Variants in DENND6A observed in about 807,000 individuals in gnomAD.
DENND6A encodes DENN domain containing 6A.
A neutral mutation model predicts 95.5 loss-of-function variants in DENND6A; 43 were observed. The observed-to-expected ratio is 0.45, with a 90% CI of 0.35 to 0.58. The LOEUF is 0.58. DENND6A is among the 20% of genes least tolerant of loss of function. The pLI is 0.00. For missense variants in DENND6A, 574 were observed against 736.0 expected, an observed-to-expected ratio of 0.78 and a Z score of 2.55; for synonymous variants, 257 against 260.4, an observed-to-expected ratio of 0.99 and a Z score of 0.13.
chr3:57,692,831 T>G lies in DENND6A; in HGVS notation c.188A>C (p.His63Pro). Residue 63 changes from histidine (H) to proline (P), a missense_variant, in exon 1 of 20, where the codon CAC becomes CCC. His to Pro is a moderately conservative substitution (Grantham distance 77). Around this residue, in one of 2 missense-constraint regions of DENND6A, gnomAD observed 122 missense variants for 105.1 expected, o/e 1.16. Coordinates refer to ENST00000311128, the MANE Select transcript of DENND6A (RefSeq NM_152678.3). The stretch of plus-strand genomic sequence containing the variant: ...GTCGAAGCCCACCACACACACGCAG[T>G]GCAGCCAGGCGGAGAAGCTGTCCCA... ...LRWDSFSAWL[H>P]CVCVVGFDLE... 1 of 1,582,472 alleles carries G rather than the reference T, an allele frequency of 6.3e-7. No homozygotes were observed. The highest frequency in any genetic ancestry group is 8.6e-7 in the Non-Finnish European group (1 of 1,167,978).
intron 9 of DENND6A, among the ~76,000 whole-genome samples, chr3:57,648,313 A>T (rs1175974367): frequency 1.3e-5 from 2 of 152,228 alleles, no homozygotes; most frequent in Non-Finnish European, 2.9e-5. Flanking sequence ...AGACCTCTAC[A>T]GGGAAAATGA....
intron 1 of DENND6A, among the ~76,000 whole-genome samples, chr3:57,675,979 A>G (rs945529923): frequency 6.6e-6 from 1 of 152,034 alleles, no homozygotes; most frequent in Non-Finnish European, 1.5e-5. Context: ...TGGCTGTCTT[A>G]GGAGAGTCAG....
chr3:57,637,763 C>A, intron 12 of DENND6A, among the ~76,000 whole-genome samples: 1 of 94,284 alleles, frequency 1.1e-5, no homozygotes, highest in African/African-American at 4.2e-5. Context: ...ATAAATAAGA[C>A]TTCAAAAAAA....
intron 15 of DENND6A, chr3:57,631,247 A>C: frequency 2.9e-6 from 1 of 342,112 alleles, no homozygotes; most frequent in Non-Finnish European, 5.3e-6. Context: ...CGCAGGCTGG[A>C]GTGCAATGGC....
intron 15 of DENND6A, among the ~76,000 whole-genome samples, chr3:57,632,144 A>C (rs1306101567): frequency 6.7e-6 from 1 of 148,460 alleles, no homozygotes; most frequent in Non-Finnish European, 1.5e-5. Context: ...CTCAGCCTCT[A>C]GAGCAGCTGG....
chr3:57,631,078 C>A, intron 15 of DENND6A, 100 bp from the exon 16 acceptor site: 1 of 1,016,158 alleles, frequency 9.8e-7, no homozygotes. Context: ...ATCATATGCC[C>A]TTTCAATGGA....
intron 12 of DENND6A, among the ~76,000 whole-genome samples, chr3:57,640,755 C>T (rs573172197): frequency 8.5e-5 from 13 of 152,086 alleles, no homozygotes; most frequent in Admixed American, 7.2e-4. Context: ...TAAATTACTA[C>T]GCCCAAACCA....
intron 3 of DENND6A, among the ~76,000 whole-genome samples, chr3:57,666,609 G>GT (rs553645876): frequency 1.1e-3 from 163 of 152,310 alleles, no homozygotes; most frequent in African/African-American, 3.6e-3. Context: ...TTTATAAAAT[G>GT]TTTTGAAAGC....
chr3:57,683,474 T>TA (rs1459928373), intron 1 of DENND6A, among the ~76,000 whole-genome samples: 1 of 152,180 alleles, frequency 6.6e-6, no homozygotes, highest in African/African-American at 2.4e-5. Flanking sequence ...GTCATTGACA[T>TA]AGGTCACGCT....
In DENND6A at chr3:57,633,255, A is replaced by C. The variant is rs748776608; in HGVS notation, c.1353+10T>G. 6.2e-7 allele frequency: 1 copy of C among 1,603,652 alleles called. No homozygotes were observed. Among genetic ancestry groups the C allele is most frequent in the Middle Eastern group, 1.9e-4 (1 of 5,396 alleles). ...CATTAAATTATGCAAAAATTTATTT[A>C]TTAACTTACTAATGGAATGATGAAA... On this transcript the variant is annotated intron_variant, in intron 15 of 19. Transcript: ENST00000311128.
intron 11 of DENND6A, 65 bp downstream of exon 11, chr3:57,645,596 A>G: frequency 8.0e-7 from 1 of 1,251,056 alleles, no homozygotes; most frequent in Middle Eastern, 2.6e-4. Flanking sequence ...TTATTACCAA[A>G]AATAATTCTA....
intron 15 of DENND6A, 134 bp from the exon 16 acceptor site, chr3:57,631,112 A>G (rs1475794628): frequency 1.2e-5 from 8 of 690,324 alleles, no homozygotes; most frequent in Non-Finnish European, 2.0e-5. Context: ...ATCACTCCCC[A>G]CAAGAGATAT....
chr3:57,641,320 ATATAT>A (rs1223402599), intron 12 of DENND6A, among the ~76,000 whole-genome samples: 3 of 144,406 alleles, frequency 2.1e-5, no homozygotes, highest in Non-Finnish European at 3.0e-5. Flanking sequence ...TTTATATTCA[ATATAT>A]TATATTAAAA....
At chr3:57,668,995 C>T (rs1329029573) in intron 3 of DENND6A, among the ~76,000 whole-genome samples, 2 of 152,148 alleles carry the variant, frequency 1.3e-5, no homozygotes, top group African/African-American at 4.8e-5. Flanking sequence ...GCCTCAGCCT[C>T]CTGAGTAGCT....
At chr3:57,691,473 T>C (rs931364826) in intron 1 of DENND6A, among the ~76,000 whole-genome samples, 2 of 152,134 alleles carry the variant, frequency 1.3e-5, no homozygotes, top group African/African-American at 4.8e-5. Flanking sequence ...ACATCCTATT[T>C]GTATGCTCCA....
chr3:57,686,793 G>T (rs549747884), intron 1 of DENND6A, among the ~76,000 whole-genome samples: 1 of 152,126 alleles, frequency 6.6e-6, no homozygotes, highest in Admixed American at 6.5e-5. Flanking sequence ...CTCTCCTCAG[G>T]CCTCCCTATT....
chr3:57,659,397 T>C (rs1003667799), intron 7 of DENND6A, among the ~76,000 whole-genome samples: 5 of 149,704 alleles, frequency 3.3e-5, no homozygotes, highest in African/African-American at 9.7e-5. Flanking sequence ...CAGTAATCAC[T>C]AACTCCCTGA....
intron 12 of DENND6A, among the ~76,000 whole-genome samples, chr3:57,636,936 C>CA (rs60350642): frequency 0.072 from 3,633 of 50,112 alleles, 138 homozygotes; most frequent in Admixed American, 0.1. Flanking sequence ...GACTCTGTCT[C>CA]AAAAAAAAAA....
Position 57,645,661 on chromosome 3 carries a change from G to A in DENND6A, c.1037C>T (p.Pro346Leu), listed in dbSNP as rs762443444. ...FKEYTTRTQA[P>L]PSVILGVTNP... ...GTCAATAGAAGTTATTTTTACTTAC[G>A]GAGCTTGGGTACGGGTAGTATATTC... is the stretch of plus-strand genomic sequence containing the variant. Residue 346 changes from proline to leucine, a missense_variant and splice_region_variant, in exon 11 of 20, where the codon CCG becomes CTG. By Grantham distance (98) the Pro-to-Leu change is moderately conservative. Coordinates refer to ENST00000311128, the MANE Select transcript of DENND6A (RefSeq NM_152678.3). 8.7e-6 allele frequency: 14 copies of A among 1,603,788 alleles called. No homozygotes were observed. The highest frequency in any genetic ancestry group is 2.2e-5 in the East Asian group (1 of 44,634).
Sources: allele counts gnomAD v4.1 joint callset (sites outside exome capture counted in the v4.1 genomes callset), GRCh38; gene constraint gnomAD v4.1.1; regional missense constraint gnomAD v4.1.1; transcripts MANE v1.5; gene names NCBI Gene and HGNC (gene_info 2026-07-23, HGNC 2026-07-21).